Variants in RASSF5 observed in about 807,000 individuals in gnomAD.
The protein encoded by RASSF5 is ras association domain-containing protein 5.
Under a neutral mutation model 40.5 loss-of-function variants are expected in RASSF5, and 25 were observed. The observed-to-expected ratio is 0.62, with a 90% CI of 0.45 to 0.86. The LOEUF (loss-of-function observed/expected upper bound fraction) is 0.86, where lower values mean the gene tolerates loss of function less well. Ranked by LOEUF, RASSF5 falls within the 40% of genes least tolerant of loss-of-function variation. The pLI is 0.00. For synonymous variants in RASSF5, 246 were observed against 252.4 expected, an observed-to-expected ratio of 0.97 and a Z score of 0.24; for missense variants, 521 against 572.8, an observed-to-expected ratio of 0.91 and a Z score of 0.92.
At chr1:206,575,248 G>A (rs1553404987) in intron 2 of RASSF5, among the ~76,000 whole-genome samples, 1 of 152,172 alleles carries the variant, frequency 6.6e-6, no homozygotes, top group Non-Finnish European at 1.5e-5. Flanking sequence ...GCTGCAGATG[G>A]ACATTCTCCT....
intron 2 of RASSF5, among the ~76,000 whole-genome samples, chr1:206,559,206 G>T (rs1347198922): frequency 1.3e-5 from 2 of 152,222 alleles, no homozygotes; most frequent in African/African-American, 4.8e-5. Context: ...AGAGTGTTTT[G>T]TTGCTGCCTG....
In RASSF5 at chr1:206,584,376, C is replaced by T. The variant is rs886669967; in HGVS notation, c.691-11C>T. 41 of 1,602,568 alleles carry T rather than the reference C, an allele frequency of 2.6e-5. 1 individual carries two copies. The East Asian group carries it at 8.9e-4, about 35-fold the overall frequency. On this transcript the variant is annotated splice_polypyrimidine_tract_variant and intron_variant, in intron 3 of 5. Coordinates refer to ENST00000579436, the MANE Select transcript of RASSF5 (RefSeq NM_182663.4). The surrounding 1 kb of genome is among the most constrained non-coding windows in gnomAD (Gnocchi z 4.9). ...CGGCCCTGACCCCCTGTGACATGCC[C>T]CCGCTGGCAGAGTGAAGACGGCACC...
intron 1 of RASSF5, among the ~76,000 whole-genome samples, chr1:206,525,223 C>T (rs761554144): frequency 2.4e-4 from 36 of 152,044 alleles, no homozygotes; most frequent in Non-Finnish European, 4.0e-4. Context: ...AGAGGCACAC[C>T]CACCCACACC....
chr1:206,570,828 A>G (rs561422338), intron 2 of RASSF5, among the ~76,000 whole-genome samples: 9 of 152,238 alleles, frequency 5.9e-5, no homozygotes, highest in Non-Finnish European at 1.2e-4. Context: ...TCATCCATCA[A>G]TGGACCCTTG....
chr1:206,530,410 A>G (rs1667207656), intron 1 of RASSF5, among the ~76,000 whole-genome samples: 1 of 152,178 alleles, frequency 6.6e-6, no homozygotes, highest in African/African-American at 2.4e-5. Context: ...TCTTTTGTAG[A>G]TGGATGTGGG....
intron 5 of RASSF5, 200 bp downstream of exon 5, chr1:206,585,495 A>G (rs914778172): frequency 1.0e-4 from 48 of 479,256 alleles, no homozygotes; most frequent in South Asian, 1.9e-4. Flanking sequence ...GGGGTAGCAC[A>G]TTAGGGCCTG....
chr1:206,555,953 A>T (rs552489481), intron 2 of RASSF5, among the ~76,000 whole-genome samples: 1 of 152,282 alleles, frequency 6.6e-6, no homozygotes, highest in East Asian at 1.9e-4. Context: ...CTAGTCCTCC[A>T]CCCAGCTTAT....
intron 1 of RASSF5, among the ~76,000 whole-genome samples, chr1:206,533,967 C>T (rs1667315878): frequency 6.6e-6 from 1 of 152,104 alleles, no homozygotes; most frequent in Non-Finnish European, 1.5e-5. Flanking sequence ...AGCTGCACAC[C>T]AAGGAATCCA....
At chr1:206,554,150 A>G (rs1472434893) in intron 2 of RASSF5, among the ~76,000 whole-genome samples, 2 of 152,184 alleles carry the variant, frequency 1.3e-5, no homozygotes, top group Non-Finnish European at 2.9e-5. Flanking sequence ...CAGCCTCTCT[A>G]TATGCCACTA....
rs1668784578 is a variant in RASSF5 at position 206,579,478 on chromosome 1, A to G, written c.580-3791A>G. On this transcript the variant is annotated intron_variant, in intron 2 of 5. Transcript: ENST00000579436. This position sits in a 1 kb window ranked among gnomAD's most constrained non-coding sequence, Gnocchi z 4.2. ...CTTATCCTCTGAAGATTGCTATAGT[A>G]TCGATCTCGCTCTCATGGCAGATAG... Among the ~76,000 whole-genome samples the G allele has an allele frequency of 6.6e-6, 1 of 152,138 alleles. No individual in the cohort carries two copies. Among genetic ancestry groups the G allele is most frequent in the African/African-American group, 2.4e-5 (1 of 41,420 alleles).
Position 206,538,311 on chromosome 1 carries a change from C to G in RASSF5, c.579+18C>G, listed in dbSNP as rs375844507. On this transcript the variant is annotated intron_variant, in intron 2 of 5. Transcript: ENST00000579436. The stretch of plus-strand genomic sequence containing the variant: ...TCAGCCAGGTAGGTGCCAAAGCTCT[C>G]GTACCAAGCTGGGAACAGCCTCTGC... 6.2e-7 allele frequency: 1 copy of G among 1,612,646 alleles called. No homozygotes were observed. Among genetic ancestry groups the G allele is most frequent in the African/African-American group, 1.3e-5 (1 of 75,018 alleles).
At chr1:206,548,765 A>C (rs1480462918) in intron 2 of RASSF5, among the ~76,000 whole-genome samples, 4 of 152,200 alleles carry the variant, frequency 2.6e-5, no homozygotes, top group African/African-American at 7.2e-5. Context: ...CCCCACTCTG[A>C]GGATACCACT....
At position 206,517,775 on chromosome 1, in the gene RASSF5, T is replaced by C. The variant is rs1553395604; in HGVS notation, c.457+9716T>C. 2.6e-5 allele frequency among the ~76,000 whole-genome samples: 4 copies of C among 152,190 alleles called. No homozygotes were observed. The East Asian group carries it at 7.7e-4, about 29-fold the overall frequency. On this transcript the variant is annotated intron_variant, in intron 1 of 5. Coordinates refer to ENST00000579436, the MANE Select transcript of RASSF5 (RefSeq NM_182663.4). ...GCCCTTTTGTGACAGACTGATCTTT[T>C]CTCACCACCCCACACCCATAGGGTC... is the stretch of plus-strand genomic sequence containing the variant.
At chr1:206,510,903 T>C (rs550949360) in intron 1 of RASSF5, among the ~76,000 whole-genome samples, 16 of 152,106 alleles carry the variant, frequency 1.1e-4, no homozygotes, top group Non-Finnish European at 1.5e-4. Flanking sequence ...GGGCAGTGGG[T>C]ATGTGAGTGA....
chr1:206,528,346 T>C (rs1410343311), intron 1 of RASSF5, among the ~76,000 whole-genome samples: 1 of 152,180 alleles, frequency 6.6e-6, no homozygotes, highest in Non-Finnish European at 1.5e-5. Context: ...CTATATGATA[T>C]TCTGGAAAAG....
chr1:206,583,347 A>G lies in RASSF5; in HGVS notation c.658A>G (p.Thr220Ala). 1 of 1,613,268 alleles carries G rather than the reference A, an allele frequency of 6.2e-7. No individual in the cohort carries two copies. Among genetic ancestry groups the G allele is most frequent in the Non-Finnish European group, 8.5e-7 (1 of 1,179,564 alleles). Residue 220 changes from threonine (T) to alanine (A), a missense_variant, in exon 3 of 6, where the codon ACG becomes GCG. Around this residue, in one of 2 missense-constraint regions of RASSF5, gnomAD observed 284 missense variants for 360.8 expected, o/e 0.79. Coordinates refer to ENST00000579436, the MANE Select transcript of RASSF5 (RefSeq NM_182663.4). Reference sequence around the variant, plus strand: ...CAAGCAGAAGATCGACAGCTACAACACGCGAGAGAAGAACTGCCTGGGCAT... The same window carrying G: ...CAAGCAGAAGATCGACAGCTACAACGCGCGAGAGAAGAACTGCCTGGGCAT... ...EIKQKIDSYN[T>A]REKNCLGMKL...
intron 1 of RASSF5, among the ~76,000 whole-genome samples, chr1:206,523,881 A>G (rs1411966464): frequency 1.8e-5 from 2 of 110,768 alleles, no homozygotes. Flanking sequence ...TATATTTTAT[A>G]TATATTTTTC....
At chr1:206,572,375 A>G (rs1553404355) in intron 2 of RASSF5, among the ~76,000 whole-genome samples, 1 of 152,144 alleles carries the variant, frequency 6.6e-6, no homozygotes, top group East Asian at 1.9e-4. Context: ...GTGGCTGTGG[A>G]TATCAGAAAA....
intron 2 of RASSF5, among the ~76,000 whole-genome samples, chr1:206,562,876 C>G (rs999085134): frequency 6.6e-6 from 1 of 151,656 alleles, no homozygotes; most frequent in African/African-American, 2.4e-5. Context: ...AAGCCAAGAT[C>G]GTGCCACTGC....
Sources: allele counts gnomAD v4.1 joint callset (sites outside exome capture counted in the v4.1 genomes callset), GRCh38; gene constraint gnomAD v4.1.1; regional missense constraint gnomAD v4.1.1; non-coding constraint Gnocchi (gnomAD v3.1); transcripts MANE v1.5; gene names NCBI Gene and HGNC (gene_info 2026-07-23, HGNC 2026-07-21).